The following SORCS2 variants were observed in gnomAD, a reference collection of about 807,000 sequenced individuals.
SORCS2 encodes sortilin related VPS10 domain containing receptor 2.
SORCS2 carries 100 observed loss-of-function variants against 141.6 expected under a neutral mutation model. The observed-to-expected ratio is 0.71, with a 90% CI of 0.60 to 0.83. SORCS2 has a LOEUF of 0.83. Among genes scored for constraint, SORCS2 ranks in the 40% least tolerant of loss-of-function variants. SORCS2 has a pLI of 0.00. For synonymous variants in SORCS2, 789 were observed against 676.9 expected, an observed-to-expected ratio of 1.17 and a Z score of -2.57; for missense variants, 1,646 against 1,560.2, an observed-to-expected ratio of 1.05 and a Z score of -0.93.
intron 3 of SORCS2, among the ~76,000 whole-genome samples, chr4:7,616,832 T>C (rs181084912): frequency 6.6e-6 from 1 of 152,372 alleles, no homozygotes; most frequent in African/African-American, 2.4e-5. Context: ...GTGGAAATTA[T>C]GTTCCCTCGA....
intron 3 of SORCS2, among the ~76,000 whole-genome samples, chr4:7,600,646 CATATATAT>C (rs149420456): frequency 8.8e-6 from 1 of 113,896 alleles, no homozygotes; most frequent in African/African-American, 3.6e-5. Flanking sequence ...TTACGATATA[CATATATAT>C]ATACACACAC....
chr4:7,620,885 T>C (rs12503042), intron 3 of SORCS2, among the ~76,000 whole-genome samples: 19,468 of 152,216 alleles, frequency 0.13, 1,365 homozygotes, highest in Middle Eastern at 0.21. Context: ...CCTCTTCTCC[T>C]GCTCCTCGGC....
At chr4:7,424,682 G>T (rs1726304704) in intron 2 of SORCS2, among the ~76,000 whole-genome samples, 1 of 152,208 alleles carries the variant, frequency 6.6e-6, no homozygotes, top group Admixed American at 6.5e-5. Context: ...CCAGCCCAGA[G>T]TCCCTGTGCC....
chr4:7,440,815 C>A (rs555299183), intron 2 of SORCS2, among the ~76,000 whole-genome samples: 1 of 152,188 alleles, frequency 6.6e-6, no homozygotes, highest in Admixed American at 6.5e-5. Context: ...GTGGGCATCA[C>A]GGGTCACTCA....
At chr4:7,511,770 C>T (rs7656523) in intron 2 of SORCS2, among the ~76,000 whole-genome samples, 61,887 of 152,026 alleles carry the variant, frequency 0.41, 13,909 homozygotes, top group African/African-American at 0.57. Context: ...AATTCCAGCC[C>T]GTCAGCTGTC....
chr4:7,471,694 G>C (rs978610457), intron 2 of SORCS2, among the ~76,000 whole-genome samples: 1 of 152,256 alleles, frequency 6.6e-6, no homozygotes, highest in African/African-American at 2.4e-5. Context: ...CCTGTTCCGG[G>C]AGTAGGCAGG....
intron 2 of SORCS2, among the ~76,000 whole-genome samples, chr4:7,492,711 C>A (rs916983846): frequency 2.0e-5 from 3 of 152,126 alleles, no homozygotes; most frequent in Non-Finnish European, 4.4e-5. Context: ...GACAAGCATA[C>A]CTGAAGGAAA....
At chr4:7,619,762 T>C (rs1185137641) in intron 3 of SORCS2, among the ~76,000 whole-genome samples, 3 of 152,112 alleles carry the variant, frequency 2.0e-5, no homozygotes, top group Non-Finnish European at 2.9e-5. Context: ...AACACACAGG[T>C]ATCAGGCCGA....
Position 7,663,260 on chromosome 4 carries a change from A to G in SORCS2, c.953-1093A>G, listed in dbSNP as rs900850601. On this transcript the variant is annotated intron_variant, in intron 6 of 26. Coordinates refer to ENST00000507866, the MANE Select transcript of SORCS2 (RefSeq NM_020777.3). This position sits in a 1 kb window ranked among gnomAD's most constrained non-coding sequence, Gnocchi z 4.8. The stretch of plus-strand genomic sequence containing the variant: ...ATAAGTGAGTGAGTGAAGAGTGAAT[A>G]AGTGAGTGAGTGAATGAATAAGTGA... Among the ~76,000 whole-genome samples, 2 of 144,542 alleles carry G rather than the reference A, an allele frequency of 1.4e-5. No homozygotes were observed. The highest frequency in any genetic ancestry group is 6.9e-5 in the Admixed American group (1 of 14,520). The allele number at this position is 144,542 out of a possible 152,430, so 94.8% of individuals were successfully genotyped here. A position where few individuals can be genotyped will look rare whatever the true frequency, so the allele number is the denominator to read the frequency against.
rs144451697 is a variant in SORCS2 at position 7,370,615 on chromosome 4, C to T, written c.481-25673C>T. 1.1e-4 allele frequency among the ~76,000 whole-genome samples: 17 copies of T among 152,340 alleles called. No individual in the cohort carries two copies. In the East Asian group the frequency reaches 3.3e-3, roughly 29 times the overall value. ...ATCTTCCAAAGAGAAATAACGTTGC[C>T]CATCATCCTTGTGGGGCTCTTCCCC... On this transcript the variant is annotated intron_variant, in intron 1 of 26. Coordinates refer to ENST00000507866, the MANE Select transcript of SORCS2 (RefSeq NM_020777.3).
intron 12 of SORCS2, among the ~76,000 whole-genome samples, chr4:7,699,120 T>G (rs963663882): frequency 2.6e-5 from 4 of 152,092 alleles, no homozygotes; most frequent in Admixed American, 2.0e-4. Context: ...CCAGAAAACA[T>G]TACAGAGCCC....
At position 7,403,973 on chromosome 4, in the gene SORCS2, A is replaced by G. The variant is rs57196527; in HGVS notation, c.548+7618A>G. Among the ~76,000 whole-genome samples, 15 of 3,650 alleles carry G rather than the reference A, an allele frequency of 4.1e-3. No individual in the cohort carries two copies. The South Asian group carries it at 0.12, about 29-fold the overall frequency. The allele number at this position is 3,650 out of a possible 152,430, so 2.4% of individuals were successfully genotyped here. A position where few individuals can be genotyped will look rare whatever the true frequency, so the allele number is the denominator to read the frequency against. ...TGCCTCCATGTGTGTATATATATAT[A>G]TATATATATATATATATATATATAT... On this transcript the variant is annotated intron_variant, in intron 2 of 26. Transcript: ENST00000507866.
At chr4:7,305,327 G>A (rs1257504691) in intron 1 of SORCS2, among the ~76,000 whole-genome samples, 2 of 69,340 alleles carry the variant, frequency 2.9e-5, no homozygotes, top group East Asian at 4.6e-4. Flanking sequence ...CACCACGCAC[G>A]GCCCATTCTG....
chr4:7,278,996 A>G (rs1210505790), intron 1 of SORCS2, among the ~76,000 whole-genome samples: 1 of 152,148 alleles, frequency 6.6e-6, no homozygotes, highest in East Asian at 1.9e-4. Flanking sequence ...CGTCCAGGGA[A>G]CGACCCTTGA....
chr4:7,347,658 A>G (rs571419894), intron 1 of SORCS2, among the ~76,000 whole-genome samples: 1 of 152,334 alleles, frequency 6.6e-6, no homozygotes, highest in East Asian at 1.9e-4. Flanking sequence ...GAGGTGAGGC[A>G]TGCCATTCTG....
In SORCS2 at chr4:7,663,963, A is replaced by T. The variant is rs1161752407; in HGVS notation, c.953-390A>T. On this transcript the variant is annotated intron_variant, in intron 6 of 26. Coordinates refer to ENST00000507866, the MANE Select transcript of SORCS2 (RefSeq NM_020777.3). This position sits in a 1 kb window ranked among gnomAD's most constrained non-coding sequence, Gnocchi z 4.8. ...AAAAGGGTAGAAGCAGTTGCTTAAA[A>T]TTTGGGGGAAAAGAACCCTTGAGCC... 6.6e-6 allele frequency among the ~76,000 whole-genome samples: 1 copy of T among 152,166 alleles called. No homozygotes were observed. The highest frequency in any genetic ancestry group is 1.5e-5 in the Non-Finnish European group (1 of 68,030).
chr4:7,735,444 C>T (rs1217542571), intron 25 of SORCS2: 1 of 154,398 alleles, frequency 6.5e-6, no homozygotes, highest in Non-Finnish European at 1.5e-5. Context: ...GGCTCTGGGA[C>T]ACAGCATTAA....
intron 5 of SORCS2, among the ~76,000 whole-genome samples, chr4:7,654,868 G>A (rs1367386782): frequency 6.6e-6 from 1 of 152,192 alleles, no homozygotes; most frequent in Non-Finnish European, 1.5e-5. Flanking sequence ...GCCACTGGGG[G>A]CCCCTGTGTT....
intron 2 of SORCS2, chr4:7,433,173 A>G (rs1300048451): frequency 1.2e-6 from 1 of 834,870 alleles, no homozygotes; most frequent in Non-Finnish European, 1.6e-6. Context: ...CGGGATCAGG[A>G]ATACTTGGTT....
Sources: allele counts gnomAD v4.1 joint callset (sites outside exome capture counted in the v4.1 genomes callset), GRCh38; gene constraint gnomAD v4.1.1; non-coding constraint Gnocchi (gnomAD v3.1); transcripts MANE v1.5; gene names NCBI Gene and HGNC (gene_info 2026-07-23, HGNC 2026-07-21).